Variants in ABL1 observed in about 807,000 individuals in gnomAD.
ABL1 encodes the protein tyrosine-protein kinase ABL1.
In ABL1, 11 loss-of-function variants were observed where a neutral mutation model predicts 94.7. The ratio of observed to expected loss-of-function variants is 0.12; its 90% confidence interval spans 0.07 to 0.19. ABL1 has a LOEUF of 0.19. Ranked by LOEUF, ABL1 falls within the 10% of genes least tolerant of loss-of-function variation. ABL1 has a pLI of 1.00. For missense variants in ABL1, 1,082 were observed against 1,489.4 expected (o/e 0.73, Z 4.50); for synonymous variants, 656 against 622.4 (o/e 1.05, Z -0.80).
chr9:130,886,998 C>T lies in ABL1; in HGVS notation c.*1315C>T, dbSNP rs953674532. ...AAAGCCTCACGTATTTCACAGAGCA[C>T]GCCTGCCATCTTCTCCCCGAGGCTG... On this transcript the variant is annotated 3_prime_UTR_variant, in exon 11 of 11. Transcript: ENST00000318560. 3.4e-5 allele frequency: 8 copies of T among 232,950 alleles called. No homozygotes were observed. The highest frequency in any genetic ancestry group is 1.5e-4 in the African/African-American group (7 of 45,444). 14.4% of individuals were successfully genotyped at this position (232,950 alleles called of 1,614,324 possible).
intron 1 of ABL1, among the ~76,000 whole-genome samples, chr9:130,806,582 G>A (rs1438858637): frequency 6.6e-6 from 1 of 152,196 alleles, no homozygotes; most frequent in African/African-American, 2.4e-5. Context: ...GGTAGGCAGA[G>A]GTGGGAGGAT....
chr9:130,807,518 G>T (rs1830141947), intron 1 of ABL1, among the ~76,000 whole-genome samples: 1 of 151,902 alleles, frequency 6.6e-6, no homozygotes, highest in Non-Finnish European at 1.5e-5. Flanking sequence ...GGGATTACAG[G>T]CTTAAGCTAC....
Position 130,863,052 on chromosome 9 carries a change from G to A in ABL1, c.822+17G>A, listed in dbSNP as rs532446382. 2.5e-5 allele frequency: 39 copies of A among 1,577,796 alleles called. No homozygotes were observed. The highest frequency in any genetic ancestry group is 1.8e-4 in the Middle Eastern group (1 of 5,496). On this transcript the variant is annotated intron_variant, in intron 4 of 10. Coordinates refer to ENST00000318560, the MANE Select transcript of ABL1 (RefSeq NM_005157.6). The surrounding 1 kb of genome is among the most constrained non-coding windows in gnomAD (Gnocchi z 4.3). Reference sequence around the variant, plus strand: ...ACCTTGAAGGTAGGCTGGGACTGCCGGGGGTGCCCAGGGTACGTGGGGCAA... The same window carrying A: ...ACCTTGAAGGTAGGCTGGGACTGCCAGGGGTGCCCAGGGTACGTGGGGCAA...
intron 1 of ABL1, among the ~76,000 whole-genome samples, chr9:130,718,926 G>C (rs1179811630): frequency 6.6e-6 from 1 of 152,092 alleles, no homozygotes; most frequent in Admixed American, 6.5e-5. Flanking sequence ...CTATCAAGAA[G>C]GCACATAGGG....
At chr9:130,881,957 A>C (rs985614654) in intron 10 of ABL1, among the ~76,000 whole-genome samples, 3 of 152,222 alleles carry the variant, frequency 2.0e-5, no homozygotes, top group Non-Finnish European at 2.9e-5. Flanking sequence ...CTGTAGGAGT[A>C]GAGTGCGTAT....
chr9:130,774,944 G>C (rs1832294520), intron 1 of ABL1, among the ~76,000 whole-genome samples: 5 of 152,134 alleles, frequency 3.3e-5, no homozygotes, highest in Admixed American at 3.3e-4. Flanking sequence ...AAACTTGTCT[G>C]ATTTGGTCTG....
At chr9:130,842,437 C>G (rs1830690054) in intron 1 of ABL1, among the ~76,000 whole-genome samples, 1 of 152,190 alleles carries the variant, frequency 6.6e-6, no homozygotes, top group Non-Finnish European at 1.5e-5. Context: ...GTCTTACAAG[C>G]CCTCAAATTT....
At chr9:130,769,090 C>T (rs1244569455) in intron 1 of ABL1, among the ~76,000 whole-genome samples, 2 of 152,100 alleles carry the variant, frequency 1.3e-5, no homozygotes, top group African/African-American at 2.4e-5. Flanking sequence ...ATTTCACATA[C>T]ATCTGTCATT....
At chr9:130,798,126 AAAAC>A (rs752129486) in intron 1 of ABL1, among the ~76,000 whole-genome samples, 1 of 152,218 alleles carries the variant, frequency 6.6e-6, no homozygotes, top group Admixed American at 6.5e-5. Context: ...TGCTTTTTGA[AAAAC>A]AAAATAAGAA....
chr9:130,725,331 C>T (rs1031997400), intron 1 of ABL1, among the ~76,000 whole-genome samples: 2 of 151,978 alleles, frequency 1.3e-5, no homozygotes, highest in Non-Finnish European at 2.9e-5. Context: ...TATAATAATA[C>T]AATATTTGCC....
intron 1 of ABL1, among the ~76,000 whole-genome samples, chr9:130,822,160 C>T (rs543224637): frequency 7.9e-5 from 12 of 151,984 alleles, no homozygotes; most frequent in Admixed American, 4.6e-4. Context: ...TTAGTAGAGA[C>T]GAGGTTTCAC....
At chr9:130,797,143 G>T (rs999023622) in intron 1 of ABL1, among the ~76,000 whole-genome samples, 4 of 144,320 alleles carry the variant, frequency 2.8e-5, no homozygotes, top group African/African-American at 1.0e-4. Flanking sequence ...GGGCGAGACA[G>T]GAGAATCGCT....
intron 1 of ABL1, among the ~76,000 whole-genome samples, chr9:130,803,111 C>T (rs1425862162): frequency 6.6e-6 from 1 of 152,188 alleles, no homozygotes; most frequent in Admixed American, 6.5e-5. Flanking sequence ...GCGATCTCAG[C>T]TCACTGCAAC....
intron 8 of ABL1, among the ~76,000 whole-genome samples, chr9:130,879,147 G>A (rs939361311): frequency 6.6e-6 from 1 of 152,198 alleles, no homozygotes; most frequent in Non-Finnish European, 1.5e-5. Context: ...AAAGTGCTGC[G>A]ATTACAGGCG....
chr9:130,753,767 A>C (rs997163876), intron 1 of ABL1, among the ~76,000 whole-genome samples: 3 of 151,968 alleles, frequency 2.0e-5, no homozygotes, highest in Non-Finnish European at 4.4e-5. Context: ...ATTGTGTCAT[A>C]ACCCCGGCAC....
At chr9:130,803,691 T>A (rs1180336304) in intron 1 of ABL1, among the ~76,000 whole-genome samples, 1 of 152,234 alleles carries the variant, frequency 6.6e-6, no homozygotes, top group Non-Finnish European at 1.5e-5. Context: ...GATTTCACTT[T>A]TTGTATATCA....
At chr9:130,773,320 G>A (rs1432589456) in intron 1 of ABL1, among the ~76,000 whole-genome samples, 1 of 151,028 alleles carries the variant, frequency 6.6e-6, no homozygotes, top group African/African-American at 2.4e-5. Context: ...ACTCCATCTC[G>A]AATTTAAAAA....
At chr9:130,834,841 T>C (rs1830538221), upstream of ABL1, 2 of 453,468 alleles carry the variant, frequency 4.4e-6, no homozygotes, top group Non-Finnish European at 8.9e-6. Context: ...CAGTTAGTAT[T>C]GGTAACTGCA....
At chr9:130,790,094 G>A (rs1829885947) in intron 1 of ABL1, among the ~76,000 whole-genome samples, 1 of 152,226 alleles carries the variant, frequency 6.6e-6, no homozygotes, top group South Asian at 2.1e-4. Flanking sequence ...GAGGCCCATA[G>A]GCCATGTCTA....
Sources: allele counts gnomAD v4.1 joint callset (sites outside exome capture counted in the v4.1 genomes callset), GRCh38; gene constraint gnomAD v4.1.1; non-coding constraint Gnocchi (gnomAD v3.1); transcripts MANE v1.5; gene names NCBI Gene and HGNC (gene_info 2026-07-23, HGNC 2026-07-21).